CALN1: variants seen among roughly 807,000 people sequenced by gnomAD.
CALN1 encodes calneuron 1.
CALN1 carries 17 observed loss-of-function variants against 30.6 expected under a neutral mutation model. The ratio of observed to expected loss-of-function variants is 0.56; its 90% CI spans 0.38 to 0.83. The LOEUF is 0.83. Ranked by LOEUF, CALN1 falls within the 40% of genes least tolerant of loss-of-function variation. The pLI, the probability that CALN1 is intolerant of heterozygous loss-of-function variation, is 0.00. For missense variants in CALN1, 291 were observed against 354.9 expected (o/e 0.82, Z 1.45); for synonymous variants, 156 against 131.4 (o/e 1.19, Z -1.28).
chr7:72,242,749 G>C (rs986053056), intron 3 of CALN1, among the ~76,000 whole-genome samples: 1 of 152,080 alleles, frequency 6.6e-6, no homozygotes, highest in South Asian at 2.1e-4. Context: ...TTATACAGGC[G>C]TGGTGGCATG....
At chr7:72,104,266 C>G (rs1046943427) in intron 4 of CALN1, 7 of 152,236 alleles carry the variant, frequency 4.6e-5, no homozygotes, top group African/African-American at 1.7e-4. Flanking sequence ...CAACTGCTAC[C>G]CATTGACCAG....
intron 5 of CALN1, among the ~76,000 whole-genome samples, chr7:71,811,321 C>T (rs1787944765): frequency 6.6e-6 from 1 of 152,188 alleles, no homozygotes; most frequent in Admixed American, 6.5e-5. Context: ...CATCCTCCTG[C>T]CTCAGCCTCC....
chr7:72,382,321 C>T (rs1243242938), intron 2 of CALN1, among the ~76,000 whole-genome samples: 1 of 152,102 alleles, frequency 6.6e-6, no homozygotes. Flanking sequence ...AAATGACAGC[C>T]GTCAGGCAAG....
At chr7:72,408,336 G>C (rs532756206) in intron 1 of CALN1, among the ~76,000 whole-genome samples, 17 of 151,780 alleles carry the variant, frequency 1.1e-4, no homozygotes, top group Admixed American at 3.9e-4. Context: ...AGCTACTCAG[G>C]AGGGTAAGGC....
At chr7:71,797,727 T>A (rs2115997918) in intron 6 of CALN1, among the ~76,000 whole-genome samples, 1 of 152,296 alleles carries the variant, frequency 6.6e-6, no homozygotes, top group South Asian at 2.1e-4. Flanking sequence ...GCATTGTTTT[T>A]GTCTCTCTGG....
At chr7:72,396,256 A>G (rs866902358) in intron 2 of CALN1, among the ~76,000 whole-genome samples, 4 of 40,274 alleles carry the variant, frequency 9.9e-5, no homozygotes, top group African/African-American at 5.9e-4. Flanking sequence ...AAAAAAAAAA[A>G]AGAAAGAAAA....
the CALN1 span, among the ~76,000 whole-genome samples, chr7:72,502,882 G>A: frequency 6.6e-6 from 1 of 152,172 alleles, no homozygotes; most frequent in South Asian, 2.1e-4. Context: ...GCCGGGTGCA[G>A]TGGCTCACAC....
Position 72,248,773 on chromosome 7 carries a change from G to A in CALN1, c.244+29913C>T, listed in dbSNP as rs556508225. ...GGATATCTTTGGGGGTACATCTTTC[G>A]GGGGACATTGTTCAGCCAACCACAA... is the stretch of plus-strand genomic sequence containing the variant. On this transcript the variant is annotated intron_variant, in intron 3 of 6. Transcript: ENST00000395275. Among the ~76,000 whole-genome samples, 98 of 151,918 alleles carry A rather than the reference G, an allele frequency of 6.5e-4. 2 individuals carry two copies. In the South Asian group the frequency reaches 0.015, roughly 23 times the overall value.
rs1199442591 is a variant in CALN1, at chr7:71,783,906, G to A, written c.*3869C>T. On this transcript the variant is annotated 3_prime_UTR_variant, in exon 7 of 7. Coordinates refer to ENST00000395275, the MANE Select transcript of CALN1 (RefSeq NM_031468.4). ...AGATTTGAGACAGGGCAGGTATTGAGAAAGAAGACTCATAAGACACATCTT... is the reference window on the plus strand; with the variant it reads ...AGATTTGAGACAGGGCAGGTATTGAAAAAGAAGACTCATAAGACACATCTT... 1 of 152,356 alleles carries A rather than the reference G, an allele frequency of 6.6e-6. No homozygotes were observed. The highest frequency in any genetic ancestry group is 1.5e-5 in the Non-Finnish European group (1 of 68,050). The allele number at this position is 152,356 out of a possible 1,614,324, so 9.4% of individuals were successfully genotyped here.
the CALN1 span, among the ~76,000 whole-genome samples, chr7:72,469,926 C>G: frequency 6.6e-6 from 1 of 152,182 alleles, no homozygotes; most frequent in Non-Finnish European, 1.5e-5. Context: ...ATTGTGGCTT[C>G]ACGTCCTGAT....
chr7:71,854,414 T>G (rs1790824579), intron 5 of CALN1, among the ~76,000 whole-genome samples: 1 of 151,788 alleles, frequency 6.6e-6, no homozygotes, highest in African/African-American at 2.4e-5. Flanking sequence ...AAAAAGAAAC[T>G]GAAATGGCAT....
At chr7:72,062,522 A>G (rs1354534693) in intron 4 of CALN1, among the ~76,000 whole-genome samples, 1 of 147,772 alleles carries the variant, frequency 6.8e-6, no homozygotes. Context: ...AAAAAAAAAA[A>G]AAAAAAAAGA....
At chr7:72,225,643 T>A (rs1041674921) in intron 3 of CALN1, among the ~76,000 whole-genome samples, 1 of 152,126 alleles carries the variant, frequency 6.6e-6, no homozygotes, top group East Asian at 1.9e-4. Context: ...TTTTGTAGAA[T>A]TTACACTGAA....
intron 2 of CALN1, among the ~76,000 whole-genome samples, chr7:72,320,152 G>A (rs1360800744): frequency 6.6e-6 from 1 of 151,970 alleles, no homozygotes; most frequent in Non-Finnish European, 1.5e-5. Flanking sequence ...ACAAAGAGCA[G>A]ACTGTGGTCC....
chr7:71,898,201 T>C (rs1194173910), intron 5 of CALN1, among the ~76,000 whole-genome samples: 6 of 151,782 alleles, frequency 4.0e-5, no homozygotes, highest in Non-Finnish European at 4.4e-5. Context: ...ATGGTGGCAC[T>C]TGCCTGTAGT....
At chr7:72,253,176 A>C (rs1478001051) in intron 3 of CALN1, among the ~76,000 whole-genome samples, 2 of 152,216 alleles carry the variant, frequency 1.3e-5, no homozygotes, top group African/African-American at 4.8e-5. Context: ...GGTTTTCAGC[A>C]TCTGGGAATA....
chr7:72,254,581 A>C (rs1183288686), intron 3 of CALN1, among the ~76,000 whole-genome samples: 3 of 152,092 alleles, frequency 2.0e-5, no homozygotes, highest in Non-Finnish European at 4.4e-5. Flanking sequence ...AACACATTAT[A>C]ATCAAAAACA....
At chr7:72,295,804 T>C (rs910682728) in intron 2 of CALN1, among the ~76,000 whole-genome samples, 3 of 151,826 alleles carry the variant, frequency 2.0e-5, no homozygotes, top group Non-Finnish European at 4.4e-5. Context: ...TCATGTCGTC[T>C]GCAAAGAGGG....
At chr7:72,336,834 C>CAG (rs1405092615) in intron 2 of CALN1, 1 of 984,976 alleles carries the variant, frequency 1.0e-6, no homozygotes, top group Non-Finnish European at 1.2e-6. Context: ...CTCAGCCTCT[C>CAG]GCTCACACCC....
Sources: gnomAD v4.1 joint callset for allele counts (sites outside exome capture counted in the v4.1 genomes callset) on GRCh38, gnomAD v4.1.1 for gene constraint, MANE v1.5 for transcripts, NCBI Gene and HGNC (gene_info 2026-07-23, HGNC 2026-07-21) for gene names.